Variants in CDR2 observed in about 807,000 individuals in gnomAD.
CDR2 encodes cerebellar degeneration-related protein 2.
In CDR2, 34 loss-of-function variants were observed where a neutral mutation model predicts 48.4. The ratio of observed to expected loss-of-function variants is 0.70; its 90% confidence interval spans 0.53 to 0.94. CDR2 has a LOEUF of 0.94. Among genes scored for constraint, CDR2 ranks in the 40% least tolerant of loss-of-function variants. The pLI is 0.00. For missense variants in CDR2, 498 were observed against 549.5 expected (o/e 0.91, Z 0.94); for synonymous variants, 240 against 219.7 (o/e 1.09, Z -0.82).
intron 1 of CDR2, among the ~76,000 whole-genome samples, chr16:22,372,161 C>A (rs1450340443): frequency 6.6e-6 from 1 of 152,046 alleles, no homozygotes; most frequent in Non-Finnish European, 1.5e-5. Context: ...TGAGTCACTG[C>A]GCCCAGCCCA....
intron 1 of CDR2, among the ~76,000 whole-genome samples, 170 bp downstream of exon 1, chr16:22,374,061 C>T (rs570752329): frequency 1.3e-5 from 2 of 152,234 alleles, no homozygotes; most frequent in South Asian, 2.1e-4. Context: ...CGTGCCGAGG[C>T]TTCCTGCGGG....
intron 1 of CDR2, among the ~76,000 whole-genome samples, chr16:22,367,588 C>G (rs2049051743): frequency 6.6e-6 from 1 of 152,108 alleles, no homozygotes; most frequent in Admixed American, 6.5e-5. Context: ...ATCATAAAAA[C>G]AAGGAAACTC....
intron 1 of CDR2, among the ~76,000 whole-genome samples, chr16:22,371,504 T>C (rs2049075814): frequency 6.6e-6 from 1 of 152,172 alleles, no homozygotes; most frequent in Non-Finnish European, 1.5e-5. Flanking sequence ...ATCCTACCTA[T>C]CCACTCATGT....
intron 2 of CDR2, among the ~76,000 whole-genome samples, chr16:22,355,912 T>C (rs981189547): frequency 2.6e-5 from 4 of 152,174 alleles, no homozygotes; most frequent in African/African-American, 9.7e-5. Context: ...ATTAAGATCT[T>C]TATACTATGT....
At chr16:22,350,876 G>A (rs759194513) in intron 2 of CDR2, among the ~76,000 whole-genome samples, 1 of 152,096 alleles carries the variant, frequency 6.6e-6, no homozygotes, top group Non-Finnish European at 1.5e-5. Flanking sequence ...CTAACGTGGA[G>A]GATTTTTAAA....
rs187066746 is a variant in CDR2, at chr16:22,351,312, C to T, written c.193-1463G>A. 3.3e-3 allele frequency among the ~76,000 whole-genome samples: 502 copies of T among 152,170 alleles called. 3 individuals are homozygous for T. The highest frequency in any genetic ancestry group is 6.8e-3 in the Middle Eastern group (2 of 294). ...AAGTCTTTGCTATTGTGAATAGTGC[C>T]GCAATAAACATACGTGTGCATGCGT... is the stretch of plus-strand genomic sequence containing the variant. On this transcript the variant is annotated intron_variant, in intron 2 of 4. Transcript: ENST00000268383.
intron 2 of CDR2, among the ~76,000 whole-genome samples, chr16:22,355,270 G>A (rs1208847226): frequency 6.6e-6 from 1 of 152,162 alleles, no homozygotes; most frequent in Non-Finnish European, 1.5e-5. Flanking sequence ...ACACTTAGGG[G>A]AGATATCTTT....
intron 1 of CDR2, among the ~76,000 whole-genome samples, chr16:22,368,104 TAA>T (rs1464107310): frequency 6.6e-6 from 1 of 152,254 alleles, no homozygotes; most frequent in East Asian, 1.9e-4. Flanking sequence ...AAATAAAAAA[TAA>T]AGACTTCCAT....
rs755150916 is a variant in CDR2 at position 22,347,040 on chromosome 16, A to G, written c.1290T>C (p.Phe430=). 3.1e-6 allele frequency: 5 copies of G among 1,614,176 alleles called. No individual in the cohort carries two copies. Among genetic ancestry groups the G allele is most frequent in the East Asian group, 2.2e-5 (1 of 44,890 alleles). ...CCTGCTTAGTTTTCTTGATGCAACT[A>G]AAGATCTCCTTAAACAACGCTTTGT... ...PEYKALFKEI[F]SCIKKTKQEI... The change falls in exon 5 of 5, where the codon TTT becomes TTC. Residue 430 remains phenylalanine (F), a synonymous_variant. Transcript: ENST00000268383.
rs776564392 is a variant in CDR2 at position 22,347,222 on chromosome 16, C to G, written c.1108G>C (p.Glu370Gln). 5 of 1,614,092 alleles carry G rather than the reference C, an allele frequency of 3.1e-6. No homozygotes were observed. The highest frequency in any genetic ancestry group is 1.3e-5 in the African/African-American group (1 of 74,940). Residue 370 changes from glutamate to glutamine, a missense_variant, in exon 5 of 5, where the codon GAA becomes CAA. Glu to Gln is a conservative substitution (Grantham distance 29). Coordinates refer to ENST00000268383, the MANE Select transcript of CDR2 (RefSeq NM_001802.2). ...YEELLKKCQE[E>Q]QDSLSHKAVQ... ...GCCTTGTGTGACAGGGAGTCCTGTT[C>G]CTCTTGGCACTTCTTCAGCAACTCT...
At chr16:22,366,284 G>C (rs1470824518) in intron 1 of CDR2, among the ~76,000 whole-genome samples, 2 of 152,078 alleles carry the variant, frequency 1.3e-5, no homozygotes, top group Non-Finnish European at 2.9e-5. Context: ...CTAGGCACTG[G>C]GATGGTGCCC....
chr16:22,347,085 G>A lies in CDR2; in HGVS notation c.1245C>T (p.Ser415=). ...LASVNPEPVS[S]PTTPPEYKAL... ...CTTTGTATTCTGGAGGTGTTGTAGGGGAACTCACGGGCTCTGGGTTGACAG... is the reference window on the plus strand; with the variant it reads ...CTTTGTATTCTGGAGGTGTTGTAGGAGAACTCACGGGCTCTGGGTTGACAG... Residue 415 remains serine (S), a synonymous_variant, in exon 5 of 5, where the codon TCC becomes TCT. Transcript: ENST00000268383. 6.2e-7 allele frequency: 1 copy of A among 1,614,212 alleles called. No homozygotes were observed. The highest frequency in any genetic ancestry group is 1.1e-5 in the South Asian group (1 of 91,088).
chr16:22,365,075 C>A, intron 1 of CDR2, 61 bp from the exon 2 acceptor site: 2 of 1,077,846 alleles, frequency 1.9e-6, no homozygotes, highest in African/African-American at 3.1e-5. Context: ...ATTTATATAA[C>A]CCAGTCCTTC....
chr16:22,368,626 G>A (rs2049057520), intron 1 of CDR2, among the ~76,000 whole-genome samples: 1 of 152,140 alleles, frequency 6.6e-6, no homozygotes, highest in Non-Finnish European at 1.5e-5. Context: ...AAGCTCCAAG[G>A]TGAGTCACAG....
rs1454858912 is a variant in CDR2, at chr16:22,347,722, G to A, written c.608C>T (p.Thr203Ile). The change falls in exon 5 of 5, where the codon ACA (threonine) becomes ATA (isoleucine). Residue 203 changes from threonine (T) to isoleucine (I), a missense_variant. Transcript: ENST00000268383. ...CAGGCTCAGCTGGGCCTGCAACATT[G>A]TCACTGTTTTTTTCAAGTGCTCATT... ...EENEHLKKTV[T>I]MLQAQLSLER... is the part of the protein sequence containing the mutation. 3 of 1,614,064 alleles carry A rather than the reference G, an allele frequency of 1.9e-6. No homozygotes were observed. The highest frequency in any genetic ancestry group is 2.5e-6 in the Non-Finnish European group (3 of 1,180,026).
In CDR2 at chr16:22,363,789, C is replaced by T. The variant is rs970850594; in HGVS notation, c.192+1113G>A. 3.9e-5 allele frequency among the ~76,000 whole-genome samples: 6 copies of T among 152,046 alleles called. No homozygotes were observed. The East Asian group carries it at 1.2e-3, about 29-fold the overall frequency. On this transcript the variant is annotated intron_variant, in intron 2 of 4. Coordinates refer to ENST00000268383, the MANE Select transcript of CDR2 (RefSeq NM_001802.2). ...TTCTGATGGGACACTGGTTAATATC[C>T]GTGATTATCTTTACAGTCAAGTGGC...
At chr16:22,360,218 C>A (rs1274411427) in intron 2 of CDR2, among the ~76,000 whole-genome samples, 1 of 152,108 alleles carries the variant, frequency 6.6e-6, no homozygotes, top group African/African-American at 2.4e-5. Context: ...AGAGTTCTCT[C>A]CTCCCCTCCT....
At chr16:22,352,937 G>A (rs1458984596) in intron 2 of CDR2, among the ~76,000 whole-genome samples, 1 of 152,026 alleles carries the variant, frequency 6.6e-6, no homozygotes, top group Admixed American at 6.6e-5. Context: ...TCCTGCCCTC[G>A]GGCTAGTAAT....
At chr16:22,347,904 C>A in intron 4 of CDR2, 81 bp from the exon 5 acceptor site, 5 of 1,341,644 alleles carry the variant, frequency 3.7e-6, no homozygotes, top group South Asian at 1.4e-5. Context: ...TTTTTTTCAA[C>A]TAAATAAATT....
Sources: gnomAD v4.1 joint callset for allele counts (sites outside exome capture counted in the v4.1 genomes callset) on GRCh38, gnomAD v4.1.1 for gene constraint, MANE v1.5 for transcripts, NCBI Gene and HGNC (gene_info 2026-07-23, HGNC 2026-07-21) for gene names.